The following PTPRT variants were observed in gnomAD, a reference collection of about 807,000 sequenced individuals.
PTPRT encodes receptor-type tyrosine-protein phosphatase T.
Under a neutral mutation model 176.8 loss-of-function variants are expected in PTPRT, and 56 were observed. That is an observed-to-expected ratio of 0.32 (90% CI 0.26 to 0.40). The LOEUF is 0.40. Ranked by LOEUF, PTPRT falls within the 10% of genes least tolerant of loss-of-function variation. The probability of loss-of-function intolerance (pLI) is 1.00; values close to 1 mark genes in which losing one functional copy is unlikely to be tolerated. For missense variants in PTPRT, 1,540 were observed against 1,908.2 expected, an observed-to-expected ratio of 0.81 and a Z score of 3.60; for synonymous variants, 783 against 739.0, an observed-to-expected ratio of 1.06 and a Z score of -0.96.
rs895537632 is a variant in PTPRT, at chr20:43,029,420, C to T, written c.89-143488G>A. ...TTCGGCAGCAGAGAATATGGCATCA[C>T]GCCACAAATGGCAGCTTCCAGAAAC... On this transcript the variant is annotated intron_variant, in intron 1 of 30. Transcript: ENST00000373187. Among the ~76,000 whole-genome samples the T allele has an allele frequency of 7.9e-5, 12 of 152,240 alleles. 1 individual carries two copies. The highest frequency in any genetic ancestry group is 1.9e-4 in the African/African-American group (8 of 41,462).
chr20:42,687,599 G>A (rs3092626), intron 6 of PTPRT: 21,717 of 152,110 alleles, frequency 0.14, 2,220 homozygotes, highest in African/African-American at 0.28. Flanking sequence ...ACCTCCAAAG[G>A]AGGGGCTAGG....
At chr20:42,304,527 G>T (rs542768242) in intron 12 of PTPRT, among the ~76,000 whole-genome samples, 1 of 152,256 alleles carries the variant, frequency 6.6e-6, no homozygotes, top group South Asian at 2.1e-4. Context: ...GACTCAGAGA[G>T]CCTAAGTCAC....
chr20:42,735,790 C>T (rs535467193), intron 6 of PTPRT, among the ~76,000 whole-genome samples: 1 of 151,984 alleles, frequency 6.6e-6, no homozygotes, highest in Non-Finnish European at 1.5e-5. Context: ...CTGTGGGTCG[C>T]CCATACCCTA....
chr20:42,426,147 C>T (rs1046140910), intron 9 of PTPRT, among the ~76,000 whole-genome samples: 2 of 152,066 alleles, frequency 1.3e-5, no homozygotes, highest in African/African-American at 4.8e-5. Flanking sequence ...AGCCTGGAAA[C>T]CCACAGCCCT....
intron 1 of PTPRT, among the ~76,000 whole-genome samples, chr20:43,159,449 A>G (rs2014624258): frequency 6.6e-6 from 1 of 152,234 alleles, no homozygotes; most frequent in Non-Finnish European, 1.5e-5. Flanking sequence ...TTCCATCTAT[A>G]AAATGGCAGG....
At chr20:43,065,346 G>A (rs761932508) in intron 1 of PTPRT, among the ~76,000 whole-genome samples, 10 of 152,192 alleles carry the variant, frequency 6.6e-5, no homozygotes, top group Non-Finnish European at 1.2e-4. Context: ...GGATTTACAA[G>A]AGCCAGGCCT....
chr20:42,461,839 G>A (rs949107359), intron 8 of PTPRT, among the ~76,000 whole-genome samples: 19 of 151,800 alleles, frequency 1.3e-4, no homozygotes, highest in African/African-American at 4.1e-4. Flanking sequence ...GGATGGAATA[G>A]CTTGAGGAGA....
intron 12 of PTPRT, among the ~76,000 whole-genome samples, chr20:42,309,547 T>C (rs1372167214): frequency 3.3e-5 from 5 of 152,206 alleles, no homozygotes; most frequent in African/African-American, 4.8e-5. Flanking sequence ...ACATCTCTCA[T>C]TCTACGCTGA....
chr20:42,474,308 A>G (rs1352430836), intron 7 of PTPRT, among the ~76,000 whole-genome samples: 2 of 152,098 alleles, frequency 1.3e-5, no homozygotes, highest in Admixed American at 6.5e-5. Context: ...AGGGGATGCT[A>G]TTGGTGCTAG....
the PTPRT span, among the ~76,000 whole-genome samples, chr20:42,033,136 C>G: frequency 4.6e-5 from 7 of 152,130 alleles, no homozygotes; most frequent in Non-Finnish European, 1.0e-4. Context: ...GATGTTTTGA[C>G]TAGAAAGTCA....
intron 7 of PTPRT, among the ~76,000 whole-genome samples, chr20:42,580,729 G>T (rs2073355698): frequency 6.6e-6 from 1 of 152,204 alleles, no homozygotes; most frequent in African/African-American, 2.4e-5. Context: ...GTATAAGAAT[G>T]CTTGGGATTT....
intron 19 of PTPRT, among the ~76,000 whole-genome samples, chr20:42,120,894 C>T (rs1987553123): frequency 6.6e-6 from 1 of 152,136 alleles, no homozygotes; most frequent in South Asian, 2.1e-4. Flanking sequence ...ATTTTAGAGC[C>T]TATCAATTGG....
intron 2 of PTPRT, among the ~76,000 whole-genome samples, chr20:42,828,408 A>G (rs2078032310): frequency 6.6e-6 from 1 of 152,228 alleles, no homozygotes; most frequent in African/African-American, 2.4e-5. Context: ...TGACAATGCA[A>G]TAGAAAAGAA....
At chr20:42,233,894 T>C (rs1452942115) in intron 15 of PTPRT, among the ~76,000 whole-genome samples, 2 of 152,206 alleles carry the variant, frequency 1.3e-5, no homozygotes, top group Non-Finnish European at 2.9e-5. Flanking sequence ...CCTGTGTTTA[T>C]CATTGCACCT....
chr20:42,249,421 G>A (rs2056512579), intron 13 of PTPRT, among the ~76,000 whole-genome samples: 1 of 152,152 alleles, frequency 6.6e-6, no homozygotes, highest in East Asian at 1.9e-4. Flanking sequence ...TAATACTAAT[G>A]CAACATGCTC....
chr20:42,145,703 G>C (rs991058948), intron 17 of PTPRT, among the ~76,000 whole-genome samples: 1 of 152,192 alleles, frequency 6.6e-6, no homozygotes, highest in South Asian at 2.1e-4. Context: ...ACAGGAAGGA[G>C]TTCCTTTCCT....
At chr20:42,072,334 A>G (rs897551197), downstream of PTPRT, among the ~76,000 whole-genome samples, 3 of 152,194 alleles carry the variant, frequency 2.0e-5, no homozygotes, top group Non-Finnish European at 4.4e-5. Context: ...GCTGGCTGCT[A>G]TCAAATATTT....
At chr20:42,683,086 C>G (rs1417571741) in intron 6 of PTPRT, among the ~76,000 whole-genome samples, 1 of 150,456 alleles carries the variant, frequency 6.6e-6, no homozygotes, top group African/African-American at 2.5e-5. Flanking sequence ...CACCTGATCA[C>G]CCTTTTAACT....
chr20:42,586,320 A>T (rs1015646285), intron 7 of PTPRT, among the ~76,000 whole-genome samples: 2 of 152,332 alleles, frequency 1.3e-5, no homozygotes, highest in Middle Eastern at 6.8e-3. Context: ...CAATACAAGG[A>T]TGTTTAGCTC....
Sources: allele counts gnomAD v4.1 joint callset (sites outside exome capture counted in the v4.1 genomes callset), GRCh38; gene constraint gnomAD v4.1.1; transcripts MANE v1.5; gene names NCBI Gene and HGNC (gene_info 2026-07-23, HGNC 2026-07-21).